Variants in ATXN1 observed in about 807,000 individuals in gnomAD.
ATXN1 encodes ataxin-1.
A neutral mutation model predicts 56.4 loss-of-function variants in ATXN1; 8 were observed. The ratio of observed to expected loss-of-function variants is 0.14; its 90% CI spans 0.08 to 0.26. The LOEUF is 0.26. Among genes scored for constraint, ATXN1 ranks in the 10% least tolerant of loss-of-function variants. ATXN1 has a pLI of 1.00. For synonymous variants in ATXN1, 514 were observed against 494.6 expected, an observed-to-expected ratio of 1.04 and a Z score of -0.52; for missense variants, 987 against 1,106.5, an observed-to-expected ratio of 0.89 and a Z score of 1.53.
At chr6:16,396,463 G>C (rs1476765992) in intron 6 of ATXN1, among the ~76,000 whole-genome samples, 4 of 152,062 alleles carry the variant, frequency 2.6e-5, no homozygotes, top group Non-Finnish European at 5.9e-5. Context: ...AAATATTCTT[G>C]TACAGCTGTA....
chr6:16,562,675 A>T (rs1357999232), intron 4 of ATXN1, among the ~76,000 whole-genome samples: 1 of 152,066 alleles, frequency 6.6e-6, no homozygotes, highest in East Asian at 1.9e-4. Flanking sequence ...AGAAGTTTCC[A>T]GTGCTTGGAT....
intron 3 of ATXN1, among the ~76,000 whole-genome samples, chr6:16,616,371 C>A (rs1455280312): frequency 1.3e-5 from 2 of 151,258 alleles, no homozygotes; most frequent in Admixed American, 6.6e-5. Context: ...GAAACCCTGT[C>A]TCTACTAAAA....
chr6:16,736,103 T>A (rs1020600188), intron 2 of ATXN1, among the ~76,000 whole-genome samples: 59 of 152,250 alleles, frequency 3.9e-4, no homozygotes, highest in African/African-American at 1.3e-3. Flanking sequence ...TATTCATGGC[T>A]AAACTCCAGA....
intron 4 of ATXN1, among the ~76,000 whole-genome samples, chr6:16,572,012 G>A (rs940737141): frequency 6.6e-6 from 1 of 152,124 alleles, no homozygotes; most frequent in Admixed American, 6.5e-5. Context: ...ATCGTGCAAT[G>A]CTATGTAAGT....
intron 3 of ATXN1, among the ~76,000 whole-genome samples, chr6:16,657,039 A>G (rs2113358333): frequency 7.2e-6 from 1 of 139,470 alleles, no homozygotes; most frequent in South Asian, 2.2e-4. Flanking sequence ...GCTGGAGTGC[A>G]GTGGTGCAAT....
At chr6:16,656,120 G>A (rs1447288414) in intron 3 of ATXN1, among the ~76,000 whole-genome samples, 1 of 151,372 alleles carries the variant, frequency 6.6e-6, no homozygotes, top group Non-Finnish European at 1.5e-5. Flanking sequence ...ATTATTTACT[G>A]CAGATGCTGA....
chr6:16,341,418 A>G (rs1761245536), intron 6 of ATXN1, among the ~76,000 whole-genome samples: 1 of 152,104 alleles, frequency 6.6e-6, no homozygotes, highest in Non-Finnish European at 1.5e-5. Context: ...CCAACTGAAT[A>G]AGAATCCCTA....
At chr6:16,325,692 A>G (rs200875569) in intron 7 of ATXN1, among the ~76,000 whole-genome samples, 7 of 82,288 alleles carry the variant, frequency 8.5e-5, no homozygotes, top group African/African-American at 4.3e-4. Context: ...GAGAGTATAA[A>G]AATTATCTCG....
At chr6:16,725,752 T>C (rs1759835090) in intron 2 of ATXN1, among the ~76,000 whole-genome samples, 1 of 152,200 alleles carries the variant, frequency 6.6e-6, no homozygotes, top group Non-Finnish European at 1.5e-5. Flanking sequence ...ACTATGTTTA[T>C]TCCAACATTT....
chr6:16,389,214 G>A (rs1758301104), intron 6 of ATXN1, among the ~76,000 whole-genome samples: 1 of 152,116 alleles, frequency 6.6e-6, no homozygotes, highest in Non-Finnish European at 1.5e-5. Context: ...GCACGCGCCT[G>A]TCATCTCAGC....
chr6:16,530,800 A>G (rs1246550668), intron 4 of ATXN1, among the ~76,000 whole-genome samples: 2 of 152,324 alleles, frequency 1.3e-5, no homozygotes, highest in East Asian at 3.9e-4. Flanking sequence ...ATAGAAGTCA[A>G]TCAGGTTTTA....
intron 6 of ATXN1, among the ~76,000 whole-genome samples, chr6:16,477,229 G>T (rs1006722237): frequency 2.1e-4 from 32 of 152,182 alleles, no homozygotes; most frequent in African/African-American, 7.0e-4. Flanking sequence ...CATTGCCTAG[G>T]GGCTTCCACA....
intron 6 of ATXN1, among the ~76,000 whole-genome samples, chr6:16,377,629 G>A (rs1408008693): frequency 1.3e-5 from 2 of 152,034 alleles, no homozygotes; most frequent in South Asian, 2.1e-4. Flanking sequence ...GCTGAATGGT[G>A]CTCTAAGAGC....
chr6:16,442,617 C>T (rs1251364609), intron 6 of ATXN1, among the ~76,000 whole-genome samples: 1 of 152,042 alleles, frequency 6.6e-6, no homozygotes, highest in Admixed American at 6.5e-5. Context: ...AGAAAGGGTA[C>T]TAAGAATTTC....
At chr6:16,616,355 C>A (rs2113795925) in intron 3 of ATXN1, among the ~76,000 whole-genome samples, 1 of 151,640 alleles carries the variant, frequency 6.6e-6, no homozygotes, top group Non-Finnish European at 1.5e-5. Context: ...GCCTGGCTAA[C>A]ATGGTGAAAC....
At chr6:16,503,464 A>G (rs1760922669) in intron 5 of ATXN1, among the ~76,000 whole-genome samples, 1 of 152,064 alleles carries the variant, frequency 6.6e-6, no homozygotes, top group African/African-American at 2.4e-5. Context: ...TTGGCAGGTG[A>G]TCTCTTTATG....
At chr6:16,738,401 T>C (rs1016827389) in intron 2 of ATXN1, 3 of 152,164 alleles carry the variant, frequency 2.0e-5, no homozygotes, top group Non-Finnish European at 2.9e-5. Flanking sequence ...TGGGTAATTA[T>C]GGAATTTCAA....
rs73728020 is a variant in ATXN1, at chr6:16,595,319, C to A, written c.-488-9412G>T. On this transcript the variant is annotated intron_variant, in intron 3 of 7. Transcript: ENST00000436367. The stretch of plus-strand genomic sequence containing the variant: ...AAAAGAATAAGGTCAGAGCCTAAGA[C>A]TCCCAAACCTTTGGTCCTGGCTCAA... Among the ~76,000 whole-genome samples, 721 of 152,336 alleles carry A rather than the reference C, an allele frequency of 4.7e-3. 5 individuals are homozygous for A. The highest frequency in any genetic ancestry group is 0.016 in the African/African-American group (680 of 41,572).
intron 5 of ATXN1, among the ~76,000 whole-genome samples, chr6:16,508,567 C>T (rs1761022459): frequency 6.6e-6 from 1 of 152,170 alleles, no homozygotes; most frequent in Admixed American, 6.5e-5. Flanking sequence ...AGGTCTCAAA[C>T]CTCCAACCTA....
Sources: gnomAD v4.1 joint callset for allele counts (sites outside exome capture counted in the v4.1 genomes callset) on GRCh38, gnomAD v4.1.1 for gene constraint, MANE v1.5 for transcripts, NCBI Gene and HGNC (gene_info 2026-07-23, HGNC 2026-07-21) for gene names.